Variants in NLRP8 observed in about 807,000 individuals in gnomAD.
The protein encoded by NLRP8 is NLR family pyrin domain containing 8.
NLRP8 carries 86 observed loss-of-function variants against 88.7 expected under a neutral mutation model. The observed-to-expected ratio is 0.97, with a 90% CI of 0.81 to 1.16. The LOEUF (loss-of-function observed/expected upper bound fraction) is 1.16. Among genes scored for constraint, NLRP8 ranks in the 50% most tolerant of loss-of-function variants. NLRP8 has a pLI of 0.00. For synonymous variants in NLRP8, 504 were observed against 494.6 expected (o/e 1.02, Z -0.25); for missense variants, 1,342 against 1,286.5 (o/e 1.04, Z -0.66).
chr19:55,968,764 A>C (rs996560735), intron 5 of NLRP8, among the ~76,000 whole-genome samples: 1 of 152,190 alleles, frequency 6.6e-6, no homozygotes, highest in African/African-American at 2.4e-5. Flanking sequence ...ATAAAATAAA[A>C]TAATGTTTTA....
Position 55,976,221 on chromosome 19 carries a change from A to C in NLRP8, c.2794A>C (p.Ser932Arg). ...TAAAACCCTGAAAAGTCTTGACCTAAGTTTTAATAGCCTGAAGGATGATGG... is the reference window on the plus strand; with the variant it reads ...TAAAACCCTGAAAAGTCTTGACCTACGTTTTAATAGCCTGAAGGATGATGG... Residue 932 changes from serine to arginine, a missense_variant, in exon 8 of 10, where the codon AGT becomes CGT. Transcript: ENST00000291971. The C allele has an allele frequency of 1.2e-6, 2 of 1,613,908 alleles. No homozygotes were observed. Among genetic ancestry groups the C allele is most frequent in the Non-Finnish European group, 1.7e-6 (2 of 1,179,960 alleles).
At chr19:55,987,275 C>CG (rs1185611219) in intron 9 of NLRP8, among the ~76,000 whole-genome samples, 1 of 152,164 alleles carries the variant, frequency 6.6e-6, no homozygotes, top group African/African-American at 2.4e-5. Context: ...GAGGCTGAGA[C>CG]GGGAGAATCG....
In NLRP8 at chr19:55,954,741, C is replaced by T. The variant is rs769984839; in HGVS notation, c.683C>T (p.Ala228Val). The change falls in exon 3 of 10, where the codon GCC (alanine) becomes GTC (valine). Residue 228 changes from alanine (A) to valine (V), a missense_variant. By Grantham distance (64) the Ala-to-Val change is moderately conservative (BLOSUM62 0). Coordinates refer to ENST00000291971, the MANE Select transcript of NLRP8 (RefSeq NM_176811.2). Reference sequence around the variant, plus strand: ...GCCAAAAAGGTGATGTTTGAGTGGGCCAGAAACAAGTTCTACGCCCACAAG... The same window carrying T: ...GCCAAAAAGGTGATGTTTGAGTGGGTCAGAAACAAGTTCTACGCCCACAAG... The T allele has an allele frequency of 3.1e-6, 5 of 1,613,984 alleles. No homozygotes were observed. Among genetic ancestry groups the T allele is most frequent in the Non-Finnish European group, 4.2e-6 (5 of 1,180,038 alleles).
At chr19:55,957,264 G>A (rs1333432945) in intron 3 of NLRP8, among the ~76,000 whole-genome samples, 2 of 152,126 alleles carry the variant, frequency 1.3e-5, no homozygotes, top group Non-Finnish European at 2.9e-5. Context: ...GTGAATGAAC[G>A]TTTACATTTT....
At chr19:55,973,365 G>A (rs113684656) in intron 6 of NLRP8, among the ~76,000 whole-genome samples, 7 of 152,130 alleles carry the variant, frequency 4.6e-5, no homozygotes, top group Admixed American at 2.6e-4. Flanking sequence ...AGATTGTAAA[G>A]ATTTTCTCCC....
In NLRP8 at chr19:55,962,244, A is replaced by G. The variant is rs1308240313; in HGVS notation, c.2213+7A>G. On this transcript the variant is annotated splice_region_variant and intron_variant, in intron 4 of 9. Coordinates refer to ENST00000291971, the MANE Select transcript of NLRP8 (RefSeq NM_176811.2). The stretch of plus-strand genomic sequence containing the variant: ...GCAAACTGCAAAAGCTACTGTGAGT[A>G]TAACACAAATCCCACTGGAAGGAAC... The G allele has an allele frequency of 6.2e-7, 1 of 1,610,596 alleles. No individual in the cohort carries two copies. Among genetic ancestry groups the G allele is most frequent in the Admixed American group, 1.7e-5 (1 of 59,128 alleles).
At chr19:55,951,337 A>C (rs1488578938) in intron 1 of NLRP8, among the ~76,000 whole-genome samples, 1 of 152,206 alleles carries the variant, frequency 6.6e-6, no homozygotes, top group Non-Finnish European at 1.5e-5. Flanking sequence ...CAGTCCATGA[A>C]AATGTTGTAA....
Position 55,948,253 on chromosome 19 carries a change from C to G in NLRP8, c.351C>G (p.Val117=). 1 of 1,612,666 alleles carries G rather than the reference C, an allele frequency of 6.2e-7. No individual in the cohort carries two copies. Among genetic ancestry groups the G allele is most frequent in the Non-Finnish European group, 8.5e-7 (1 of 1,178,872 alleles). Residue 117 remains valine (V), a synonymous_variant, in exon 1 of 10, where the codon GTC becomes GTG. Transcript: ENST00000291971. ...ACTGTGATAAAATGTGTGTTGTAGT[C>G]CGCAGAGAGATAAATGGTGAGTGTT... is the stretch of plus-strand genomic sequence containing the variant.
At chr19:55,965,642 A>G (rs1337538528) in intron 4 of NLRP8, among the ~76,000 whole-genome samples, 2 of 141,112 alleles carry the variant, frequency 1.4e-5, no homozygotes, top group African/African-American at 5.3e-5. Flanking sequence ...TGATCCTGTG[A>G]GTCATTTATT....
chr19:55,950,904 C>T (rs528956763), intron 1 of NLRP8, among the ~76,000 whole-genome samples: 40 of 152,236 alleles, frequency 2.6e-4, no homozygotes, highest in Non-Finnish European at 5.4e-4. Flanking sequence ...ACGGTGAAAC[C>T]GCATCTCTAC....
At chr19:55,975,732 T>C (rs1568467824) in intron 7 of NLRP8, among the ~76,000 whole-genome samples, 1 of 149,974 alleles carries the variant, frequency 6.7e-6, no homozygotes, top group Non-Finnish European at 1.5e-5. Flanking sequence ...AATAGGCAAA[T>C]CCAGAAAAAG....
chr19:55,954,940 C>T lies in NLRP8; in HGVS notation c.882C>T (p.Thr294=). Residue 294 remains threonine (T), a synonymous_variant, in exon 3 of 10, where the codon ACC becomes ACT. Transcript: ENST00000291971. ...ATGGCTTTGAGGAGCTCACATCTAC[C>T]CTCATTGACAGACTGGAGGACCTGA... The T allele has an allele frequency of 6.2e-7, 1 of 1,614,138 alleles. No individual in the cohort carries two copies. Among genetic ancestry groups the T allele is most frequent in the Non-Finnish European group, 8.5e-7 (1 of 1,180,034 alleles).
chr19:55,959,028 G>A (rs805157), intron 3 of NLRP8, among the ~76,000 whole-genome samples: 88,448 of 148,024 alleles, frequency 0.6, 25,774 homozygotes, highest in East Asian at 0.77. Flanking sequence ...ACAGGCGCCC[G>A]CCAACACGCC....
At position 55,965,888 on chromosome 19, in the gene NLRP8, G is replaced by A. The variant is rs193074884; in HGVS notation, c.2214-325G>A. ...TTCTCATTGTTGAACTCCCACTTAT[G>A]AGTGAGAACATGCGGTGTTTGGTTT... On this transcript the variant is annotated intron_variant, in intron 4 of 9. Coordinates refer to ENST00000291971, the MANE Select transcript of NLRP8 (RefSeq NM_176811.2). Among the ~76,000 whole-genome samples the A allele has an allele frequency of 8.9e-3, 1,202 of 134,772 alleles. 9 individuals carry two copies. Among genetic ancestry groups the A allele is most frequent in the Non-Finnish European group, 0.015 (954 of 65,778 alleles). The allele number at this position is 134,772 out of a possible 152,430, so 88.4% of individuals were successfully genotyped here.
chr19:55,971,221 C>T (rs1346753075), intron 6 of NLRP8, among the ~76,000 whole-genome samples: 12 of 152,246 alleles, frequency 7.9e-5, no homozygotes, highest in African/African-American at 2.6e-4. Context: ...GGGCGGATCA[C>T]CTGAGGTCAG....
chr19:55,950,256 C>CA (rs59344059), intron 1 of NLRP8, among the ~76,000 whole-genome samples: 33,693 of 135,346 alleles, frequency 0.25, 4,426 homozygotes, highest in African/African-American at 0.39. Context: ...ACTAAAACTA[C>CA]AAAAAAAAAA....
chr19:55,957,639 T>G (rs1979412982), intron 3 of NLRP8, among the ~76,000 whole-genome samples: 1 of 142,742 alleles, frequency 7.0e-6, no homozygotes, highest in South Asian at 2.2e-4. Context: ...ATAGCCGAGA[T>G]CGCGCCACTA....
chr19:55,954,602 G>A lies in NLRP8; in HGVS notation c.544G>A (p.Val182Ile). The change falls in exon 3 of 10, where the codon GTA becomes ATA. Residue 182 changes from valine (V) to isoleucine (I), a missense_variant. Val to Ile is a conservative substitution (Grantham distance 29). Coordinates refer to ENST00000291971, the MANE Select transcript of NLRP8 (RefSeq NM_176811.2). The stretch of plus-strand genomic sequence containing the variant: ...CCAGAGGGACTTCTTCTACCAAGGT[G>A]TACACAGGCACGAGGAGTACTTACC... 1 of 1,614,202 alleles carries A rather than the reference G, an allele frequency of 6.2e-7. No homozygotes were observed. The highest frequency in any genetic ancestry group is 1.7e-5 in the Admixed American group (1 of 60,022).
At chr19:55,979,654 C>A in intron 9 of NLRP8, 90 bp downstream of exon 9, 1 of 1,398,936 alleles carries the variant, frequency 7.1e-7, no homozygotes, top group Non-Finnish European at 9.9e-7. Context: ...TGTAGTGGTG[C>A]ATGCCTGTAA....
Sources: gnomAD v4.1 joint callset for allele counts (sites outside exome capture counted in the v4.1 genomes callset) on GRCh38, gnomAD v4.1.1 for gene constraint, MANE v1.5 for transcripts, NCBI Gene and HGNC (gene_info 2026-07-23, HGNC 2026-07-21) for gene names.